CYSLTR1: variants seen among roughly 807,000 people sequenced by gnomAD.
CYSLTR1 encodes G-protein coupled receptor HG55.
A neutral mutation model predicts 2.1 loss-of-function variants in CYSLTR1; 1 was observed. The observed-to-expected ratio is 0.48, with a 90% CI of 0.17 to 2.28. The LOEUF (loss-of-function observed/expected upper bound fraction) is 2.28. Ranked by LOEUF, CYSLTR1 falls within the 30% of genes most tolerant of loss-of-function variation. The pLI is 0.26. For synonymous variants in CYSLTR1, 110 were observed against 89.6 expected, an observed-to-expected ratio of 1.23 and a Z score of -1.28; for missense variants, 299 against 250.1, an observed-to-expected ratio of 1.20 and a Z score of -1.32.
intron 1 of CYSLTR1, among the ~76,000 whole-genome samples, chrX:78,291,300 A>T (rs1053918440): frequency 2.7e-5 from 3 of 111,978 alleles, no homozygotes; most frequent in Non-Finnish European, 5.6e-5. Context: ...CATCCCAGGG[A>T]TGAAGCCGAT....
At chrX:78,318,012 C>T (rs919927605) in intron 1 of CYSLTR1, among the ~76,000 whole-genome samples, 15 of 111,579 alleles carry the variant, frequency 1.3e-4, no homozygotes, top group Admixed American at 2.8e-4. Context: ...AAATACCATT[C>T]GACACAGTAA....
intron 1 of CYSLTR1, among the ~76,000 whole-genome samples, chrX:78,290,926 T>C (rs1443136491): frequency 1.8e-5 from 2 of 111,898 alleles, no homozygotes; most frequent in Non-Finnish European, 3.8e-5. Flanking sequence ...ACTTCCTCTT[T>C]TCCTAGTTGA....
Position 78,285,128 on chromosome X carries a change from T to C in CYSLTR1, c.-114-1588A>G, listed in dbSNP as rs140233436. Among the ~76,000 whole-genome samples the C allele has an allele frequency of 7.1e-4, 79 of 111,880 alleles. 1 individual carries two copies. Among genetic ancestry groups the C allele is most frequent in the African/African-American group, 2.5e-3 (77 of 30,861 alleles). On this transcript the variant is annotated intron_variant, in intron 1 of 2. Transcript: ENST00000373304. ...TCAATAAAGTTCTAGTGACTGAATGTTGAATGTATAAAAATCCTTTCTGGC... is the reference window on the plus strand; with the variant it reads ...TCAATAAAGTTCTAGTGACTGAATGCTGAATGTATAAAAATCCTTTCTGGC...
chrX:78,279,540 T>C (rs1214338338), intron 2 of CYSLTR1, among the ~76,000 whole-genome samples: 3 of 112,272 alleles, frequency 2.7e-5, no homozygotes, highest in African/African-American at 9.7e-5. Flanking sequence ...AGTTTGGAGA[T>C]TTCTGAAAAA....
intron 2 of CYSLTR1, among the ~76,000 whole-genome samples, chrX:78,274,187 C>G (rs901174651): frequency 9.0e-6 from 1 of 111,341 alleles, no homozygotes; most frequent in Non-Finnish European, 1.9e-5. Context: ...ATTGGAAAAT[C>G]TCTGAATTGT....
intron 1 of CYSLTR1, among the ~76,000 whole-genome samples, chrX:78,303,786 G>T (rs771223006): frequency 1.2e-4 from 13 of 111,623 alleles, no homozygotes; most frequent in African/African-American, 4.2e-4. Flanking sequence ...TATACCTCAG[G>T]CTTCAGTGGA....
At chrX:78,324,889 A>G (rs1242641391) in intron 1 of CYSLTR1, among the ~76,000 whole-genome samples, 1 of 110,098 alleles carries the variant, frequency 9.1e-6, no homozygotes. Flanking sequence ...AGGTCTTTCT[A>G]TTTTAGACAC....
At chrX:78,287,577 C>T (rs769346747) in intron 1 of CYSLTR1, among the ~76,000 whole-genome samples, 3 of 111,733 alleles carry the variant, frequency 2.7e-5, no homozygotes, top group Non-Finnish European at 5.6e-5. Flanking sequence ...ACCTTTAAAA[C>T]GCTGGAGTTT....
At chrX:78,289,885 T>A (rs1922242052) in intron 1 of CYSLTR1, among the ~76,000 whole-genome samples, 2 of 111,905 alleles carry the variant, frequency 1.8e-5, no homozygotes, top group Non-Finnish European at 3.8e-5. Context: ...ATGGGTAGAT[T>A]GCAAAAATTT....
chrX:78,273,356 T>G lies in CYSLTR1; in HGVS notation c.391A>C (p.Asn131His). ...TTTTTCTGTGTAACCAAATTAATGT[T>G]CTGGACTGGAAAAACAATTGCAATG... ...RCIAIVFPVQNINLVTQKKAR... is the reference protein window; with the variant it reads ...RCIAIVFPVQHINLVTQKKAR... Residue 131 changes from asparagine to histidine, a missense_variant, in exon 3 of 3, where the codon AAC (asparagine) becomes CAC (histidine). Coordinates refer to ENST00000373304, the MANE Select transcript of CYSLTR1 (RefSeq NM_006639.4). 7.4e-6 allele frequency: 9 copies of G among 1,211,158 alleles called. No individual in the cohort carries two copies. The highest frequency in any genetic ancestry group is 1.0e-5 in the Non-Finnish European group (9 of 895,365).
rs1921263932 is a variant in CYSLTR1 at position 78,271,650 on chromosome X, T to C, written c.*1083A>G. 8.9e-6 allele frequency: 1 copy of C among 111,888 alleles called. No individual in the cohort carries two copies. Among genetic ancestry groups the C allele is most frequent in the Non-Finnish European group, 1.9e-5 (1 of 53,169 alleles). 9.2% of individuals were successfully genotyped at this position (111,888 alleles called of 1,213,427 possible). On this transcript the variant is annotated 3_prime_UTR_variant, in exon 3 of 3. Coordinates refer to ENST00000373304, the MANE Select transcript of CYSLTR1 (RefSeq NM_006639.4). ...TAATATAAAAGTCACTGTAAACATA[T>C]CCATGATATTCCTGTCAACATACCA...
chrX:78,302,663 A>T (rs1015123562), intron 1 of CYSLTR1, among the ~76,000 whole-genome samples: 2 of 110,482 alleles, frequency 1.8e-5, no homozygotes, highest in Non-Finnish European at 3.8e-5. Flanking sequence ...GGGTCCTTCC[A>T]TTCAAGGCAA....
chrX:78,301,017 C>T (rs1922798995), intron 1 of CYSLTR1, among the ~76,000 whole-genome samples: 1 of 112,682 alleles, frequency 8.9e-6, no homozygotes, highest in Admixed American at 9.3e-5. Flanking sequence ...CCCTGTGAAG[C>T]CACAGCCTAA....
intron 1 of CYSLTR1, among the ~76,000 whole-genome samples, chrX:78,317,413 C>G (rs1224404800): frequency 8.9e-6 from 1 of 112,388 alleles, no homozygotes; most frequent in African/African-American, 3.2e-5. Flanking sequence ...CTATGGAAAA[C>G]AGTATGGAAA....
intron 1 of CYSLTR1, among the ~76,000 whole-genome samples, chrX:78,308,938 A>C (rs1310538886): frequency 9.0e-6 from 1 of 111,583 alleles, no homozygotes; most frequent in Non-Finnish European, 1.9e-5. Flanking sequence ...ATTTCACAGG[A>C]TTGGGCTTTG....
At chrX:78,299,022 T>G (rs952857290) in intron 1 of CYSLTR1, among the ~76,000 whole-genome samples, 11 of 111,392 alleles carry the variant, frequency 9.9e-5, no homozygotes, top group African/African-American at 3.6e-4. Flanking sequence ...GCTTATTATT[T>G]TTTGTGCATC....
At chrX:78,287,825 T>C in intron 1 of CYSLTR1, among the ~76,000 whole-genome samples, 1 of 110,926 alleles carries the variant, frequency 9.0e-6, no homozygotes, top group South Asian at 3.8e-4. Context: ...ACAAAGGGGA[T>C]ACTTTGGGGT....
intron 1 of CYSLTR1, among the ~76,000 whole-genome samples, chrX:78,314,242 G>C (rs1351449472): frequency 8.9e-6 from 1 of 111,756 alleles, no homozygotes; most frequent in Non-Finnish European, 1.9e-5. Context: ...TAGAACCTTG[G>C]AGAACACTTG....
At position 78,273,451 on chromosome X, in the gene CYSLTR1, C is replaced by T. The variant is rs1381447085; in HGVS notation, c.296G>A (p.Ser99Asn). The T allele has an allele frequency of 5.0e-6, 6 of 1,211,488 alleles. No homozygotes were observed. Among genetic ancestry groups the T allele is most frequent in the Middle Eastern group, 2.3e-4 (1 of 4,348 alleles). Residue 99 changes from serine (S) to asparagine (N), a missense_variant, in exon 3 of 3, where the codon AGC (serine) becomes AAC (asparagine). By Grantham distance (46) the Ser-to-Asn change is conservative (BLOSUM62 1). Transcript: ENST00000373304. ...GAGGTTGACATACAAAGCATAGGTG[C>T]TGAGGCGGCACAAGAAGTCACCAAA... ...WLFGDFLCRL[S>N]TYALYVNLYC...
Sources: gnomAD v4.1 joint callset for allele counts (sites outside exome capture counted in the v4.1 genomes callset) on GRCh38, gnomAD v4.1.1 for gene constraint, MANE v1.5 for transcripts, NCBI Gene and HGNC (gene_info 2026-07-23, HGNC 2026-07-21) for gene names.